NRDC: variants seen among roughly 807,000 people sequenced by gnomAD.
NRDC encodes the protein nardilysin.
In NRDC, 54 loss-of-function variants were observed where a neutral mutation model predicts 147.1. The observed-to-expected ratio is 0.37, with a 90% confidence interval of 0.29 to 0.46. The LOEUF (loss-of-function observed/expected upper bound fraction) is 0.46, where lower values mean the gene tolerates loss of function less well. Ranked by LOEUF, NRDC falls within the 20% of genes least tolerant of loss-of-function variation. NRDC has a pLI of 1.00. For synonymous variants in NRDC, 440 were observed against 482.1 expected, an observed-to-expected ratio of 0.91 and a Z score of 1.14; for missense variants, 1,082 against 1,370.6, an observed-to-expected ratio of 0.79 and a Z score of 3.33.
rs190801309 is a variant in NRDC, at chr1:51,878,073, T to C, written c.341+202A>G. 5.2e-5 allele frequency: 74 copies of C among 1,412,968 alleles called. No individual in the cohort carries two copies. The Admixed American group carries it at 1.8e-3, about 33-fold the overall frequency. 87.5% of individuals were successfully genotyped at this position (1,412,968 alleles called of 1,614,324 possible). On this transcript the variant is annotated intron_variant, in intron 1 of 30. Transcript: ENST00000352171. ...AAAAGCTTCTCCCATTCTGACGTCT[T>C]ACAACCCAAGATCTCCCACTTGCCC...
In NRDC at chr1:51,805,554, T is replaced by C. The variant is rs764268924; in HGVS notation, c.2118A>G (p.Ile706Met). ...TCAACGGTGAAATTAGATGGAAACG[T>C]ATATATGCTAAAAGAAAAAAGACCA... Reference protein sequence around the residue: ...DNKFKIPKAYIRFHLISPLIQ... With the variant: ...DNKFKIPKAYMRFHLISPLIQ... Residue 706 changes from isoleucine to methionine, a missense_variant, in exon 19 of 31, where the codon ATA becomes ATG. This residue lies in a region of NRDC where 635 missense variants were observed against 923.8 expected (regional missense o/e 0.69). Coordinates refer to ENST00000352171, the MANE Select transcript of NRDC (RefSeq NM_001101662.2). The C allele has an allele frequency of 6.3e-7, 1 of 1,579,214 alleles. No homozygotes were observed. The highest frequency in any genetic ancestry group is 8.6e-7 in the Non-Finnish European group (1 of 1,167,684).
At chr1:51,819,678 T>C (rs1191251383) in intron 9 of NRDC, 122 bp downstream of exon 9, 1 of 755,532 alleles carries the variant, frequency 1.3e-6, no homozygotes, top group South Asian at 1.9e-5. Flanking sequence ...ATCTACTTCC[T>C]TTCCAACCCA....
intron 15 of NRDC, among the ~76,000 whole-genome samples, chr1:51,811,457 C>A (rs1387909892): frequency 6.6e-6 from 1 of 152,164 alleles, no homozygotes; most frequent in Admixed American, 6.5e-5. Flanking sequence ...GCAAAAGTCA[C>A]CTCTGGTTGA....
intron 1 of NRDC, among the ~76,000 whole-genome samples, chr1:51,863,013 G>GAAAAAAAAAA (rs562410956): frequency 1.2e-4 from 4 of 32,046 alleles, no homozygotes; most frequent in Admixed American, 1.2e-3. Flanking sequence ...CTGTGTGGAG[G>GAAAAAAAAAA]AAAAAAAAAA....
chr1:51,847,593 G>A (rs772448180), intron 1 of NRDC, among the ~76,000 whole-genome samples: 3 of 152,228 alleles, frequency 2.0e-5, no homozygotes, highest in Non-Finnish European at 4.4e-5. Flanking sequence ...TGGGTGACCT[G>A]ACGCACCCTC....
rs1365742018 is a variant in NRDC, at chr1:51,814,288, C to T, written c.1620-199G>A. The T allele has an allele frequency of 7.0e-6, 4 of 569,222 alleles. No individual in the cohort carries two copies. In the Admixed American group the frequency reaches 1.3e-4, roughly 19 times the overall value. The allele number at this position is 569,222 out of a possible 1,614,324, so 35.3% of individuals were successfully genotyped here. A position where few individuals can be genotyped will look rare whatever the true frequency, so the allele number is the denominator to read the frequency against. On this transcript the variant is annotated intron_variant, in intron 13 of 30. Coordinates refer to ENST00000352171, the MANE Select transcript of NRDC (RefSeq NM_001101662.2). Reference sequence around the variant, plus strand: ...ACAAACCTGCACATATACCCCTGAACCTAGAATAAAAGTTTAAAAAATTCT... The same window carrying T: ...ACAAACCTGCACATATACCCCTGAATCTAGAATAAAAGTTTAAAAAATTCT...
intron 20 of NRDC, 95 bp from the exon 21 acceptor site, chr1:51,800,778 G>T: frequency 1.6e-6 from 2 of 1,253,368 alleles, no homozygotes; most frequent in Non-Finnish European, 1.1e-6. Flanking sequence ...CAGGTACCCA[G>T]CATGGAACTA....
chr1:51,830,210 G>A (rs758886136), intron 4 of NRDC, among the ~76,000 whole-genome samples: 17 of 151,886 alleles, frequency 1.1e-4, no homozygotes, highest in Non-Finnish European at 1.6e-4. Flanking sequence ...TGATCCACCC[G>A]CCTCGGCCTC....
chr1:51,794,236 C>T (rs1012955716), intron 24 of NRDC, among the ~76,000 whole-genome samples: 1 of 152,134 alleles, frequency 6.6e-6, no homozygotes, highest in Admixed American at 6.5e-5. Context: ...CCACCCACAC[C>T]TCGGTTTCTG....
chr1:51,877,948 C>A, intron 1 of NRDC: 1 of 1,054,276 alleles, frequency 9.5e-7, no homozygotes, highest in Non-Finnish European at 1.2e-6. Flanking sequence ...ACTCCGTCAA[C>A]CTTTCCTGGT....
At chr1:51,870,914 T>C (rs978766283) in intron 1 of NRDC, among the ~76,000 whole-genome samples, 8 of 152,062 alleles carry the variant, frequency 5.3e-5, no homozygotes, top group Admixed American at 4.6e-4. Context: ...TCACCTCTTA[T>C]TCATCTTGAA....
At chr1:51,793,453 G>A (rs764066390) in intron 24 of NRDC, among the ~76,000 whole-genome samples, 10 of 152,146 alleles carry the variant, frequency 6.6e-5, no homozygotes, top group Non-Finnish European at 1.3e-4. Flanking sequence ...GGGCCTCTAC[G>A]GAAGGACAAA....
chr1:51,838,736 TTG>T (rs1052270161), intron 2 of NRDC, among the ~76,000 whole-genome samples: 2 of 152,190 alleles, frequency 1.3e-5, no homozygotes, highest in Admixed American at 6.5e-5. Context: ...TTCTTTTTTT[TTG>T]TGACTTTTAT....
At chr1:51,856,806 T>A (rs1682266280) in intron 1 of NRDC, among the ~76,000 whole-genome samples, 1 of 152,120 alleles carries the variant, frequency 6.6e-6, no homozygotes, top group African/African-American at 2.4e-5. Context: ...TAGGGTCTTG[T>A]CTTGGGGCAG....
Position 51,790,967 on chromosome 1 carries a change from ATCT to A in NRDC, c.2981_2983del (p.Lys994del). On this transcript the variant is annotated inframe_deletion, in exon 28 of 31. Coordinates refer to ENST00000352171, the MANE Select transcript of NRDC (RefSeq NM_001101662.2). ...CTCAAAGCTAGAAAGAAACTCTTCT[ATCT>A]TCTTATCAACAACTTCAGAACTGAA... 1.2e-6 allele frequency: 2 copies of A among 1,613,158 alleles called. No homozygotes were observed. The highest frequency in any genetic ancestry group is 1.7e-5 in the Admixed American group (1 of 59,984).
intron 1 of NRDC, among the ~76,000 whole-genome samples, chr1:51,854,514 G>A (rs1682140679): frequency 6.6e-6 from 1 of 152,188 alleles, no homozygotes; most frequent in Non-Finnish European, 1.5e-5. Flanking sequence ...AGATGACGCA[G>A]GGACCCCAAG....
At chr1:51,818,186 T>C in intron 9 of NRDC, 51 bp from the exon 10 acceptor site, 1 of 1,191,876 alleles carries the variant, frequency 8.4e-7, no homozygotes, top group Non-Finnish European at 1.2e-6. Context: ...TCTCTATGAC[T>C]TTTACTACAA....
At chr1:51,792,240 G>T in intron 25 of NRDC, 137 bp downstream of exon 25, 1 of 1,333,564 alleles carries the variant, frequency 7.5e-7, no homozygotes, top group South Asian at 1.2e-5. Context: ...TATACTGGGT[G>T]AGAACAGTAA....
At chr1:51,801,311 GTTTC>G (rs1374571285) in intron 20 of NRDC, 5 of 151,686 alleles carry the variant, frequency 3.3e-5, no homozygotes, top group East Asian at 1.9e-4. Context: ...CCATCCATTT[GTTTC>G]TTTCTTTTTT....
Sources: gnomAD v4.1 joint callset for allele counts (sites outside exome capture counted in the v4.1 genomes callset) on GRCh38, gnomAD v4.1.1 for gene constraint, gnomAD v4.1.1 regional missense constraint, MANE v1.5 for transcripts, NCBI Gene and HGNC (gene_info 2026-07-23, HGNC 2026-07-21) for gene names.